Variants in PCSK5 observed in about 807,000 individuals in gnomAD.
PCSK5 encodes the protein proprotein convertase subtilisin/kexin type 5, also known as prohormone convertase 5.
In PCSK5, 129 loss-of-function variants were observed where a neutral mutation model predicts 233.2. The observed-to-expected ratio is 0.55, with a 90% CI of 0.48 to 0.64. PCSK5 has a LOEUF of 0.64. PCSK5 is among the 30% of genes least tolerant of loss of function. The pLI, the probability that PCSK5 is intolerant of heterozygous loss-of-function variation, is 0.00. For missense variants in PCSK5, 2,076 were observed against 2,430.1 expected, an observed-to-expected ratio of 0.85 and a Z score of 3.06; for synonymous variants, 825 against 879.2, an observed-to-expected ratio of 0.94 and a Z score of 1.09.
intron 2 of PCSK5, among the ~76,000 whole-genome samples, chr9:75,967,655 A>G (rs554537255): frequency 6.6e-6 from 1 of 152,224 alleles, no homozygotes; most frequent in Non-Finnish European, 1.5e-5. Context: ...CTGATAGAAC[A>G]TTTTAGAACA....
chr9:75,996,896 G>T (rs1269371214), intron 3 of PCSK5, among the ~76,000 whole-genome samples: 2 of 151,620 alleles, frequency 1.3e-5, no homozygotes. Context: ...GAGCAGATAG[G>T]ATTGACCCTT....
intron 17 of PCSK5, among the ~76,000 whole-genome samples, chr9:76,186,926 G>C (rs1824133065): frequency 6.6e-6 from 1 of 152,068 alleles, no homozygotes; most frequent in Admixed American, 6.6e-5. Flanking sequence ...TAGTCTCCTT[G>C]AGGCCCCTTG....
chr9:75,961,375 A>G lies in PCSK5; in HGVS notation c.298-24757A>G, dbSNP rs1009776177. Among the ~76,000 whole-genome samples, 5 of 152,240 alleles carry G rather than the reference A, an allele frequency of 3.3e-5. 1 individual carries two copies. The highest frequency in any genetic ancestry group is 6.5e-5 in the Admixed American group (1 of 15,286). Reference sequence around the variant, plus strand: ...TTACACTTAATTGATGAAATGACCAATATTGTAAAATGTTTGATACATTTG... The same window carrying G: ...TTACACTTAATTGATGAAATGACCAGTATTGTAAAATGTTTGATACATTTG... On this transcript the variant is annotated intron_variant, in intron 2 of 37. Coordinates refer to ENST00000674117, the MANE Select transcript of PCSK5 (RefSeq NM_001372043.1).
At chr9:76,187,448 A>AACTC (rs1459893011) in intron 17 of PCSK5, among the ~76,000 whole-genome samples, 1 of 152,118 alleles carries the variant, frequency 6.6e-6, no homozygotes, top group African/African-American at 2.4e-5. Context: ...AGCTCACTCA[A>AACTC]ACTCATGGGC....
intron 7 of PCSK5, among the ~76,000 whole-genome samples, chr9:76,073,484 CA>C (rs1449313351): frequency 6.6e-6 from 1 of 152,122 alleles, no homozygotes; most frequent in Non-Finnish European, 1.5e-5. Context: ...GGTGCCTTAA[CA>C]GCAAATGAAT....
At chr9:76,291,094 G>A (rs1484997734) in intron 24 of PCSK5, among the ~76,000 whole-genome samples, 1 of 152,218 alleles carries the variant, frequency 6.6e-6, no homozygotes, top group African/African-American at 2.4e-5. Flanking sequence ...GCAGATCCCT[G>A]CTTTAATTAG....
chr9:76,132,251 T>C (rs1190088154), intron 9 of PCSK5, among the ~76,000 whole-genome samples: 1 of 152,128 alleles, frequency 6.6e-6, no homozygotes, highest in African/African-American at 2.4e-5. Context: ...GCTATTTGTT[T>C]TAGAAGCAAA....
At chr9:76,188,959 G>A in intron 18 of PCSK5, 135 bp from the exon 19 acceptor site, 1 of 799,294 alleles carries the variant, frequency 1.3e-6, no homozygotes, top group Non-Finnish European at 1.9e-6. Context: ...TTTTTCCCAG[G>A]GAAATCAAGA....
In PCSK5 at chr9:75,996,394, T is replaced by C. The variant is rs530260283; in HGVS notation, c.411+10149T>C. 2.0e-5 allele frequency among the ~76,000 whole-genome samples: 3 copies of C among 152,308 alleles called. No individual in the cohort carries two copies. The South Asian group carries it at 6.2e-4, about 32-fold the overall frequency. On this transcript the variant is annotated intron_variant, in intron 3 of 37. Coordinates refer to ENST00000674117, the MANE Select transcript of PCSK5 (RefSeq NM_001372043.1). Reference sequence around the variant, plus strand: ...AGGGGAGCATTTTATGGGTAGGGATTTGGGTAATTTTCATCCTTTTGCCTA... The same window carrying C: ...AGGGGAGCATTTTATGGGTAGGGATCTGGGTAATTTTCATCCTTTTGCCTA...
chr9:76,005,170 A>G (rs1827423769), intron 3 of PCSK5, among the ~76,000 whole-genome samples: 1 of 152,162 alleles, frequency 6.6e-6, no homozygotes, highest in Admixed American at 6.5e-5. Context: ...GCTACTACCA[A>G]CCACAAACTT....
intron 24 of PCSK5, among the ~76,000 whole-genome samples, chr9:76,270,642 G>T (rs1827484308): frequency 6.6e-6 from 1 of 152,166 alleles, no homozygotes; most frequent in Non-Finnish European, 1.5e-5. Context: ...TTGGCACAAG[G>T]TCCCAGCTGA....
chr9:75,984,602 T>C (rs1587458985), intron 2 of PCSK5, among the ~76,000 whole-genome samples: 1 of 152,174 alleles, frequency 6.6e-6, no homozygotes, highest in Admixed American at 6.5e-5. Context: ...AGTAATACAG[T>C]GATAGGGCCT....
intron 37 of PCSK5, 55 bp downstream of exon 37, chr9:76,354,274 A>G (rs1830241445): frequency 7.9e-6 from 11 of 1,385,474 alleles, no homozygotes; most frequent in Non-Finnish European, 1.1e-5. Flanking sequence ...CAAGAAGCCA[A>G]TGGGAGCAGA....
At chr9:76,124,735 G>A in intron 9 of PCSK5, among the ~76,000 whole-genome samples, 1 of 107,406 alleles carries the variant, frequency 9.3e-6, no homozygotes, top group Non-Finnish European at 1.7e-5. Flanking sequence ...GACAGAGCAA[G>A]ACTCCATCTC....
chr9:76,023,620 A>ACT, intron 3 of PCSK5, 118 bp from the exon 4 acceptor site: 1 of 893,870 alleles, frequency 1.1e-6, no homozygotes, highest in Non-Finnish European at 1.7e-6. Flanking sequence ...AGCTCATCAC[A>ACT]CTACTACACT....
At chr9:76,316,795 AAATTTCCTT>A (rs1167354445) in intron 30 of PCSK5, among the ~76,000 whole-genome samples, 5 of 151,180 alleles carry the variant, frequency 3.3e-5, no homozygotes, top group South Asian at 4.2e-4. Context: ...AGAATGCACT[AAATTTCCTT>A]AATTTCAAAT....
intron 20 of PCSK5, among the ~76,000 whole-genome samples, chr9:76,218,745 AGAAG>A (rs1825627508): frequency 6.6e-6 from 1 of 152,298 alleles, no homozygotes; most frequent in East Asian, 1.9e-4. Context: ...ACACAGCTGG[AGAAG>A]GAAGGGACCC....
intron 8 of PCSK5, among the ~76,000 whole-genome samples, chr9:76,105,953 ATG>A (rs1564029318): frequency 6.6e-6 from 1 of 152,242 alleles, no homozygotes; most frequent in African/African-American, 2.4e-5. Context: ...AGACATATTC[ATG>A]TGACATAGAA....
intron 9 of PCSK5, among the ~76,000 whole-genome samples, chr9:76,113,402 T>C (rs1410692370): frequency 4.6e-5 from 7 of 152,326 alleles, no homozygotes; most frequent in African/African-American, 1.7e-4. Flanking sequence ...CTTGTAAACC[T>C]AAAAAGTCCG....
Sources: allele counts gnomAD v4.1 joint callset (sites outside exome capture counted in the v4.1 genomes callset), GRCh38; gene constraint gnomAD v4.1.1; transcripts MANE v1.5; gene names NCBI Gene and HGNC (gene_info 2026-07-23, HGNC 2026-07-21).